Variants in ERICH1 observed in about 807,000 individuals in gnomAD.
ERICH1 encodes glutamate rich 1.
ERICH1 carries 56 observed loss-of-function variants against 39.6 expected under a neutral mutation model. The observed-to-expected ratio is 1.41, with a 90% confidence interval of 1.14 to 1.77. The LOEUF (loss-of-function observed/expected upper bound fraction) is 1.77. ERICH1 is among the 40% of genes most tolerant of loss of function. The pLI is 0.00. For synonymous variants in ERICH1, 313 were observed against 223.6 expected, an observed-to-expected ratio of 1.40 and a Z score of -3.57; for missense variants, 826 against 575.4, an observed-to-expected ratio of 1.44 and a Z score of -4.45.
chr8:678,934 G>C (rs994065556), intron 3 of ERICH1, among the ~76,000 whole-genome samples: 1 of 152,060 alleles, frequency 6.6e-6, no homozygotes, highest in Non-Finnish European at 1.5e-5. Flanking sequence ...GACCGTCACA[G>C]CTCTGGCCTC....
intron 2 of ERICH1, among the ~76,000 whole-genome samples, chr8:701,647 G>C (rs555855160): frequency 5.2e-4 from 79 of 152,316 alleles, no homozygotes; most frequent in Admixed American, 1.9e-3. Flanking sequence ...TCTATGATAC[G>C]TGTATTTTTT....
At chr8:724,603 TGA>T (rs2132442978) in intron 1 of ERICH1, among the ~76,000 whole-genome samples, 1 of 152,254 alleles carries the variant, frequency 6.6e-6, no homozygotes, top group South Asian at 2.1e-4. Flanking sequence ...TAAAACACGC[TGA>T]GAGGTCATTG....
chr8:639,228 C>T (rs1388113101), intron 3 of ERICH1, among the ~76,000 whole-genome samples: 5 of 152,124 alleles, frequency 3.3e-5, no homozygotes, highest in African/African-American at 9.7e-5. Flanking sequence ...GGCTGTGTTC[C>T]CACTCATCCC....
intron 2 of ERICH1, among the ~76,000 whole-genome samples, chr8:706,892 G>A: frequency 6.6e-6 from 1 of 152,188 alleles, no homozygotes; most frequent in East Asian, 1.9e-4. Context: ...ACTGGACAAT[G>A]TAATAGTGTT....
At chr8:619,931 T>C (rs1797175513) in intron 3 of ERICH1, among the ~76,000 whole-genome samples, 1 of 152,114 alleles carries the variant, frequency 6.6e-6, no homozygotes, top group African/African-American at 2.4e-5. Context: ...AAAATGTCAT[T>C]TAAGGAATAA....
chr8:639,629 A>T (rs1402724884), intron 3 of ERICH1, among the ~76,000 whole-genome samples: 1 of 149,246 alleles, frequency 6.7e-6, no homozygotes, highest in African/African-American at 2.5e-5. Flanking sequence ...CAATCCAGTT[A>T]GCAGACACGA....
chr8:643,003 G>C (rs929040105), intron 3 of ERICH1, among the ~76,000 whole-genome samples: 5 of 152,174 alleles, frequency 3.3e-5, no homozygotes, highest in Non-Finnish European at 7.3e-5. Flanking sequence ...GAAACAAACT[G>C]CGGGTTTTGC....
At chr8:665,868 A>G (rs1381690130) in intron 5 of ERICH1, 1 of 152,246 alleles carries the variant, frequency 6.6e-6, no homozygotes, top group Admixed American at 6.5e-5. Flanking sequence ...TGCTCATCCT[A>G]CAGAGGTGAG....
At chr8:664,149 G>T, downstream of ERICH1, 2 of 728,108 alleles carry the variant, frequency 2.7e-6, no homozygotes, top group Non-Finnish European at 1.7e-6. Context: ...ACAGGTACCT[G>T]ATATGATTCA....
downstream of ERICH1, among the ~76,000 whole-genome samples, chr8:660,699 T>TCCCTGG (rs1252539714): frequency 1.3e-5 from 2 of 152,192 alleles, no homozygotes; most frequent in African/African-American, 4.8e-5. Context: ...GTTTCCTCCA[T>TCCCTGG]CCCTGGCCCT....
At chr8:705,778 C>T (rs1813131643) in intron 2 of ERICH1, among the ~76,000 whole-genome samples, 1 of 152,168 alleles carries the variant, frequency 6.6e-6, no homozygotes, top group Non-Finnish European at 1.5e-5. Flanking sequence ...AGTAAAACTA[C>T]CCGAAATCAC....
chr8:649,852 C>G (rs1234743332), intron 3 of ERICH1, among the ~76,000 whole-genome samples: 2 of 152,206 alleles, frequency 1.3e-5, no homozygotes, highest in Non-Finnish European at 2.9e-5. Flanking sequence ...CAAGAGCTTT[C>G]CAGGAATCGC....
chr8:634,650 CG>C (rs1159461790), intron 3 of ERICH1, among the ~76,000 whole-genome samples: 2 of 152,090 alleles, frequency 1.3e-5, no homozygotes, highest in Non-Finnish European at 2.9e-5. Flanking sequence ...GCGGAGCAGC[CG>C]GACCAGCCCC....
chr8:630,520 T>A (rs1355971113), intron 3 of ERICH1, among the ~76,000 whole-genome samples: 17 of 89,682 alleles, frequency 1.9e-4, no homozygotes, highest in South Asian at 4.1e-4. Flanking sequence ...CAGAGCTGAC[T>A]CACACCCTCC....
intron 1 of ERICH1, 119 bp from the exon 2 acceptor site, chr8:716,126 C>A: frequency 7.9e-7 from 1 of 1,270,396 alleles, no homozygotes; most frequent in South Asian, 1.7e-5. Context: ...CCAACGGAGA[C>A]CCAAGTCCCT....
chr8:649,807 G>T (rs1799716756), intron 3 of ERICH1, among the ~76,000 whole-genome samples: 1 of 152,226 alleles, frequency 6.6e-6, no homozygotes, highest in Non-Finnish European at 1.5e-5. Context: ...GGCGGACGGC[G>T]TATCAGAGCA....
At chr8:669,992 C>T (rs1402588081) in intron 4 of ERICH1, among the ~76,000 whole-genome samples, 1 of 152,156 alleles carries the variant, frequency 6.6e-6, no homozygotes, top group African/African-American at 2.4e-5. Context: ...GTCCTCTCTC[C>T]TCTCCACCTG....
At chr8:687,815 G>C (rs943130238) in intron 3 of ERICH1, among the ~76,000 whole-genome samples, 5 of 152,170 alleles carry the variant, frequency 3.3e-5, no homozygotes, top group Admixed American at 6.5e-5. Flanking sequence ...GGAGGAATCG[G>C]GGGCGAGGCG....
chr8:697,127 C>T (rs1487975465), intron 2 of ERICH1, among the ~76,000 whole-genome samples: 1 of 152,200 alleles, frequency 6.6e-6, no homozygotes, highest in African/African-American at 2.4e-5. Context: ...CAGATGGACA[C>T]ATATTCTTCT....
Sources: gnomAD v4.1 joint callset for allele counts (sites outside exome capture counted in the v4.1 genomes callset) on GRCh38, gnomAD v4.1.1 for gene constraint, MANE v1.5 for transcripts, NCBI Gene and HGNC (gene_info 2026-07-23, HGNC 2026-07-21) for gene names.